Variants in ZNF540 observed in about 807,000 individuals in gnomAD.
The protein encoded by ZNF540 is zinc finger protein 540, also known as CTD-3064H18.6.
In ZNF540, 3 loss-of-function variants were observed where a neutral mutation model predicts 11.8. The ratio of observed to expected loss-of-function variants is 0.25; its 90% CI spans 0.12 to 0.65. The LOEUF (loss-of-function observed/expected upper bound fraction) is 0.65. Among genes scored for constraint, ZNF540 ranks in the 30% least tolerant of loss-of-function variants. The pLI is 0.83. For synonymous variants in ZNF540, 247 were observed against 259.0 expected, an observed-to-expected ratio of 0.95 and a Z score of 0.45; for missense variants, 709 against 793.1, an observed-to-expected ratio of 0.89 and a Z score of 1.27.
At chr19:37,552,594 G>A (rs1419714484) in intron 1 of ZNF540, among the ~76,000 whole-genome samples, 1 of 152,062 alleles carries the variant, frequency 6.6e-6, no homozygotes, top group Non-Finnish European at 1.5e-5. Context: ...CACTTCTATA[G>A]TATTATAAAA....
chr19:37,614,032 T>C lies in ZNF540; in HGVS notation c.*769T>C. ...GGCCTTCACCAGAACCCAAGCATGC[T>C]GGCACCTTGACCTTGGACTTTCAGC... On this transcript the variant is annotated 3_prime_UTR_variant, in exon 5 of 5. Coordinates refer to ENST00000316433, the MANE Select transcript of ZNF540 (RefSeq NM_001172225.3). The C allele has an allele frequency of 2.6e-6, 1 of 391,874 alleles. No homozygotes were observed. 24.3% of individuals were successfully genotyped at this position (391,874 alleles called of 1,614,324 possible). A position where few individuals can be genotyped will look rare whatever the true frequency, so the allele number is the denominator to read the frequency against.
chr19:37,566,121 G>A (rs750442595), intron 1 of ZNF540: 1 of 1,614,006 alleles, frequency 6.2e-7, no homozygotes, highest in Non-Finnish European at 8.5e-7. Context: ...AGCCCTTCCT[G>A]ACTTGCTTCT....
At chr19:37,594,082 C>T (rs775159550), upstream of ZNF540, 1 of 152,174 alleles carries the variant, frequency 6.6e-6, no homozygotes, top group Admixed American at 6.5e-5. Flanking sequence ...TAGGATAACA[C>T]CAACCTCTAG....
chr19:37,599,394 C>A (rs2044021765), intron 2 of ZNF540, among the ~76,000 whole-genome samples: 1 of 152,048 alleles, frequency 6.6e-6, no homozygotes, highest in Admixed American at 6.5e-5. Flanking sequence ...AGTTAAAGAA[C>A]CCCATAATAT....
chr19:37,604,224 A>C (rs1056124537), intron 4 of ZNF540, among the ~76,000 whole-genome samples: 10 of 147,936 alleles, frequency 6.8e-5, no homozygotes, highest in South Asian at 2.1e-4. Context: ...AGTTTCCTTA[A>C]AATTTTTTAT....
intron 1 of ZNF540, among the ~76,000 whole-genome samples, chr19:37,589,468 A>G (rs1301009096): frequency 1.3e-5 from 2 of 150,722 alleles, no homozygotes; most frequent in Middle Eastern, 3.5e-3. Flanking sequence ...ATTATTTTAA[A>G]TGGACAACAG....
At chr19:37,605,048 C>G (rs375756404) in intron 4 of ZNF540, among the ~76,000 whole-genome samples, 22 of 152,298 alleles carry the variant, frequency 1.4e-4, no homozygotes, top group Non-Finnish European at 2.1e-4. Flanking sequence ...TGTTTCTAGT[C>G]TTTCGCAGGC....
At chr19:37,608,609 T>C (rs182183257) in intron 4 of ZNF540, among the ~76,000 whole-genome samples, 53 of 151,874 alleles carry the variant, frequency 3.5e-4, no homozygotes, top group Non-Finnish European at 6.2e-4. Flanking sequence ...GTGAACATGA[T>C]GTACTGGGTA....
intron 1 of ZNF540, chr19:37,585,663 C>T (rs1470229626): frequency 6.6e-6 from 1 of 152,228 alleles, no homozygotes; most frequent in East Asian, 1.9e-4. Context: ...TAGAGCTAAC[C>T]ATCCTTTCAC....
At chr19:37,566,164 G>A in intron 1 of ZNF540, 1 of 1,613,900 alleles carries the variant, frequency 6.2e-7, no homozygotes, top group African/African-American at 1.3e-5. Flanking sequence ...ACTCCATATT[G>A]TCTCCAAGAC....
At chr19:37,558,822 A>G (rs2042687951) in intron 1 of ZNF540, among the ~76,000 whole-genome samples, 2 of 151,906 alleles carry the variant, frequency 1.3e-5, no homozygotes, top group Admixed American at 6.6e-5. Flanking sequence ...CACTATATAT[A>G]TATATATGGA....
chr19:37,581,832 C>T (rs999409505), intron 1 of ZNF540, among the ~76,000 whole-genome samples: 1 of 151,494 alleles, frequency 6.6e-6, no homozygotes, highest in African/African-American at 2.4e-5. Context: ...TTCTGTGGTT[C>T]ACCCTGCAGT....
rs368321135 is a variant in ZNF540 at position 37,574,816 on chromosome 19, A to G, written c.-73+23151A>G. ...ACTTTTACTGGCTATACTCCTAGCT[A>G]TCTAATTTCCCAGAGTAATCTCAGT... On this transcript the variant is annotated intron_variant, in intron 1 of 4. Coordinates refer to the ZNF540 transcript ENST00000592533. Among the ~76,000 whole-genome samples, 38 of 152,326 alleles carry G rather than the reference A, an allele frequency of 2.5e-4. No homozygotes were observed. The East Asian group carries it at 3.7e-3, about 15-fold the overall frequency.
chr19:37,594,565 A>AC (rs2043962570), upstream of ZNF540: 1 of 152,120 alleles, frequency 6.6e-6, no homozygotes, highest in South Asian at 2.1e-4. Context: ...CGGTGCCGAC[A>AC]CCCCTCCGCA....
At chr19:37,575,555 A>G (rs2043214535) in intron 1 of ZNF540, 1 of 152,230 alleles carries the variant, frequency 6.6e-6, no homozygotes, top group Non-Finnish European at 1.5e-5. Flanking sequence ...AACTTGCTTG[A>G]GATGTGTCCC....
At position 37,611,545 on chromosome 19, in the gene ZNF540, T is replaced by C. The variant is rs752463068; in HGVS notation, c.265T>C (p.Ser89Pro). 11 of 1,601,770 alleles carry C rather than the reference T, an allele frequency of 6.9e-6. No individual in the cohort carries two copies. In the East Asian group the frequency reaches 1.1e-4, roughly 16 times the overall value. ...LLSRHKTKKL[S>P]SEKDIHEISL... ...ATCCAGGCATAAGACCAAGAAATTA[T>C]CTTCAGAAAAGGACATTCATGAAAT... Residue 89 changes from serine to proline, a missense_variant, in exon 5 of 5, where the codon TCT becomes CCT. Transcript: ENST00000316433.
At chr19:37,573,531 T>A (rs922802016) in intron 1 of ZNF540, among the ~76,000 whole-genome samples, 1 of 152,064 alleles carries the variant, frequency 6.6e-6, no homozygotes, top group Non-Finnish European at 1.5e-5. Context: ...ATCTACTAAT[T>A]GAAAATAAAA....
intron 1 of ZNF540, chr19:37,555,878 G>C: frequency 1.4e-6 from 1 of 700,706 alleles, no homozygotes; most frequent in Non-Finnish European, 2.6e-6. Context: ...TTTAGGACGA[G>C]AAGCACGAGT....
Position 37,613,892 on chromosome 19 carries a change from G to T in ZNF540, c.*629G>T. ...TTTAGGAGGAAATTAGGTCATGAGG[G>T]TGGAGCCTTCATGAGTGGAATTACT... On this transcript the variant is annotated 3_prime_UTR_variant, in exon 5 of 5. Transcript: ENST00000316433. The T allele has an allele frequency of 2.5e-6, 1 of 398,590 alleles. No individual in the cohort carries two copies. Among genetic ancestry groups the T allele is most frequent in the Non-Finnish European group, 4.4e-6 (1 of 226,060 alleles). The allele number at this position is 398,590 out of a possible 1,614,324, so 24.7% of individuals were successfully genotyped here.
Sources: allele counts gnomAD v4.1 joint callset (sites outside exome capture counted in the v4.1 genomes callset), GRCh38; gene constraint gnomAD v4.1.1; transcripts MANE v1.5; gene names NCBI Gene and HGNC (gene_info 2026-07-23, HGNC 2026-07-21).